The following BRI3BP variants were observed in gnomAD, a reference collection of about 807,000 sequenced individuals.
BRI3BP encodes BRI3 binding protein.
BRI3BP carries 7 observed loss-of-function variants against 15.8 expected under a neutral mutation model. The ratio of observed to expected loss-of-function variants is 0.44; its 90% CI spans 0.25 to 0.83. The LOEUF (loss-of-function observed/expected upper bound fraction) is 0.83. Among genes scored for constraint, BRI3BP ranks in the 40% least tolerant of loss-of-function variants. BRI3BP has a pLI of 0.20. For missense variants in BRI3BP, 320 were observed against 339.3 expected (o/e 0.94, Z 0.45); for synonymous variants, 192 against 163.5 (o/e 1.17, Z -1.33).
chr12:125,003,015 C>T (rs931732613), intron 1 of BRI3BP, among the ~76,000 whole-genome samples: 1 of 152,132 alleles, frequency 6.6e-6, no homozygotes, highest in African/African-American at 2.4e-5. Flanking sequence ...GTGGTTCATA[C>T]GTGGTCTGTA....
rs553482830 is a variant in BRI3BP, at chr12:125,028,230, A to G, written c.*2800A>G. On this transcript the variant is annotated 3_prime_UTR_variant, in exon 3 of 3. Coordinates refer to ENST00000341446, the MANE Select transcript of BRI3BP (RefSeq NM_080626.6). ...TCTGTGCGCAAAGCTAATGATCGCC[A>G]GCCCTGCCTTGGCCCCTCCCTTGTT... 3 of 152,402 alleles carry G rather than the reference A, an allele frequency of 2.0e-5. No homozygotes were observed. The highest frequency in any genetic ancestry group is 6.5e-5 in the Admixed American group (1 of 15,306). The allele number at this position is 152,402 out of a possible 1,614,324, so 9.4% of individuals were successfully genotyped here. A position where few individuals can be genotyped will look rare whatever the true frequency, so the allele number is the denominator to read the frequency against.
intron 1 of BRI3BP, among the ~76,000 whole-genome samples, chr12:124,998,051 G>A (rs1955054879): frequency 6.6e-6 from 1 of 152,054 alleles, no homozygotes; most frequent in South Asian, 2.1e-4. Flanking sequence ...TTGAACCCGG[G>A]AGGCGGCCGT....
the BRI3BP span, among the ~76,000 whole-genome samples, chr12:125,044,544 G>C: frequency 1.3e-5 from 2 of 151,422 alleles, no homozygotes; most frequent in Non-Finnish European, 2.9e-5. Flanking sequence ...CTGCCTCCTG[G>C]GTTCAAGCTA....
downstream of BRI3BP, among the ~76,000 whole-genome samples, chr12:125,034,863 C>T (rs926329026): frequency 1.3e-4 from 20 of 152,182 alleles, no homozygotes; most frequent in African/African-American, 4.8e-4. Flanking sequence ...GTTGGGATTA[C>T]AGGCGTGAAC....
chr12:125,039,649 A>C, the BRI3BP span, among the ~76,000 whole-genome samples: 1 of 108,310 alleles, frequency 9.2e-6, no homozygotes, highest in East Asian at 3.3e-4. Context: ...TGTTATTCCA[A>C]TAGGGTTTTT....
intron 2 of BRI3BP, among the ~76,000 whole-genome samples, chr12:125,019,050 A>G (rs1000185900): frequency 6.6e-6 from 1 of 151,896 alleles, no homozygotes; most frequent in Non-Finnish European, 1.5e-5. Context: ...TAGAGACGGT[A>G]TTTCACCATG....
intron 2 of BRI3BP, among the ~76,000 whole-genome samples, chr12:125,014,133 C>T (rs926056051): frequency 3.9e-5 from 6 of 152,162 alleles, no homozygotes; most frequent in African/African-American, 7.2e-5. Context: ...GTAACCTTCC[C>T]GTTTTCTCTA....
chr12:125,037,660 A>T, the BRI3BP span, among the ~76,000 whole-genome samples: 4 of 151,764 alleles, frequency 2.6e-5, no homozygotes, highest in South Asian at 2.1e-4. Context: ...AAATACAAAA[A>T]AATTAGCTGG....
At chr12:125,042,492 T>C in the BRI3BP span, among the ~76,000 whole-genome samples, 9 of 152,112 alleles carry the variant, frequency 5.9e-5, no homozygotes, top group Admixed American at 2.0e-4. Flanking sequence ...TTTTTTTTTT[T>C]TGAAATGGGA....
chr12:125,003,730 G>A (rs1257415117), intron 1 of BRI3BP, among the ~76,000 whole-genome samples: 1 of 151,946 alleles, frequency 6.6e-6, no homozygotes, highest in Non-Finnish European at 1.5e-5. Flanking sequence ...AGGCGGGTGG[G>A]TCACTAGAGG....
chr12:125,028,836 T>C lies in BRI3BP; in HGVS notation c.*3406T>C, dbSNP rs1446955319. ...CCCCTCGCCACCCGCCACATGTCTT[T>C]GTTTTTTTCTCTCTTTTGTATGTGG... On this transcript the variant is annotated 3_prime_UTR_variant, in exon 3 of 3. Coordinates refer to ENST00000341446, the MANE Select transcript of BRI3BP (RefSeq NM_080626.6). 6.6e-6 allele frequency: 1 copy of C among 152,228 alleles called. No individual in the cohort carries two copies. The highest frequency in any genetic ancestry group is 1.5e-5 in the Non-Finnish European group (1 of 68,044). The allele number at this position is 152,228 out of a possible 1,614,324, so 9.4% of individuals were successfully genotyped here.
intron 1 of BRI3BP, among the ~76,000 whole-genome samples, chr12:124,999,592 T>C (rs1251995062): frequency 1.3e-5 from 2 of 150,832 alleles, no homozygotes; most frequent in Non-Finnish European, 3.0e-5. Flanking sequence ...CCCTGCTAAG[T>C]TTTTTATTTT....
the BRI3BP span, among the ~76,000 whole-genome samples, chr12:125,038,583 T>C: frequency 8.7e-4 from 131 of 151,390 alleles, no homozygotes; most frequent in African/African-American, 3.1e-3. Context: ...TTGAGCAACA[T>C]GGAGAAACCC....
At chr12:125,008,155 C>G (rs1056388606) in intron 1 of BRI3BP, among the ~76,000 whole-genome samples, 1 of 152,072 alleles carries the variant, frequency 6.6e-6, no homozygotes, top group African/African-American at 2.4e-5. Context: ...AACCACTGAG[C>G]TGGGATGTGT....
chr12:125,022,541 A>ATTTATTTATTTATTTTATTTTTTT, intron 2 of BRI3BP, among the ~76,000 whole-genome samples: 8 of 139,404 alleles, frequency 5.7e-5, no homozygotes, highest in African/African-American at 1.7e-4. Flanking sequence ...TTATTTATTT[A>ATTTATTTATTTATTTTATTTTTTT]TTTTTTGAGA....
At chr12:125,020,142 C>T (rs554722876) in intron 2 of BRI3BP, among the ~76,000 whole-genome samples, 4 of 151,946 alleles carry the variant, frequency 2.6e-5, no homozygotes, top group Admixed American at 6.6e-5. Context: ...GACAAGGTTT[C>T]GCCATATTGG....
rs531560368 is a variant in BRI3BP at position 125,027,120 on chromosome 12, T to C, written c.*1690T>C. 2.6e-5 allele frequency: 4 copies of C among 152,194 alleles called. No homozygotes were observed. Among genetic ancestry groups the C allele is most frequent in the Admixed American group, 1.3e-4 (2 of 15,276 alleles). The allele number at this position is 152,194 out of a possible 1,614,324, so 9.4% of individuals were successfully genotyped here. A position where few individuals can be genotyped will look rare whatever the true frequency, so the allele number is the denominator to read the frequency against. Reference sequence around the variant, plus strand: ...CAGACCTGCTACAACCAAGACCTTATGGTCCAGGTCTCAGTTTGGAGAAGA... The same window carrying C: ...CAGACCTGCTACAACCAAGACCTTACGGTCCAGGTCTCAGTTTGGAGAAGA... On this transcript the variant is annotated 3_prime_UTR_variant, in exon 3 of 3. Transcript: ENST00000341446.
chr12:125,016,011 G>A (rs1282333481), intron 2 of BRI3BP, among the ~76,000 whole-genome samples: 2 of 152,116 alleles, frequency 1.3e-5, no homozygotes, highest in Admixed American at 6.6e-5. Context: ...GCAGAAAATC[G>A]CACGCAGCTT....
At chr12:125,022,541 A>ATTTATTTTTATTTTTTTT in intron 2 of BRI3BP, among the ~76,000 whole-genome samples, 3 of 139,404 alleles carry the variant, frequency 2.2e-5, no homozygotes, top group South Asian at 4.5e-4. Context: ...TTATTTATTT[A>ATTTATTTTTATTTTTTTT]TTTTTTGAGA....
Sources: gnomAD v4.1 joint callset for allele counts (sites outside exome capture counted in the v4.1 genomes callset) on GRCh38, gnomAD v4.1.1 for gene constraint, MANE v1.5 for transcripts, NCBI Gene and HGNC (gene_info 2026-07-23, HGNC 2026-07-21) for gene names.